APEX1: variants seen among roughly 807,000 people sequenced by gnomAD.
The protein encoded by APEX1 is apurinic/apyrimidinic endodeoxyribonuclease 1.
In APEX1, 32 loss-of-function variants were observed where a neutral mutation model predicts 33.2. The ratio of observed to expected loss-of-function variants is 0.96; its 90% confidence interval spans 0.73 to 1.29. The LOEUF (loss-of-function observed/expected upper bound fraction) is 1.29. Among genes scored for constraint, APEX1 ranks in the 50% most tolerant of loss-of-function variants. The pLI, the probability that APEX1 is intolerant of heterozygous loss-of-function variation, is 0.00. For synonymous variants in APEX1, 175 were observed against 156.6 expected, an observed-to-expected ratio of 1.12 and a Z score of -0.88; for missense variants, 442 against 395.6, an observed-to-expected ratio of 1.12 and a Z score of -0.99.
chr14:20,457,358 TATG>T lies in APEX1; in HGVS notation c.812_814del (p.Met271del), dbSNP rs1881452583. The T allele has an allele frequency of 6.2e-7, 1 of 1,614,240 alleles. No homozygotes were observed. Among genetic ancestry groups the T allele is most frequent in the Non-Finnish European group, 8.5e-7 (1 of 1,180,038 alleles). On this transcript the variant is annotated inframe_deletion, in exon 5 of 5. Coordinates refer to ENST00000216714, the MANE Select transcript of APEX1 (RefSeq NM_001641.4). ...CCTATGCCTACACCTTTTGGACTTA[TATG>T]ATGAATGCTCGATCCAAGAATGTTG...
rs537832152 is a variant in APEX1 at position 20,456,109 on chromosome 14, G to C, written c.246+8G>C. 4 of 1,613,798 alleles carry C rather than the reference G, an allele frequency of 2.5e-6. No homozygotes were observed. Among genetic ancestry groups the C allele is most frequent in the African/African-American group, 1.3e-5 (1 of 75,038 alleles). Reference sequence around the variant, plus strand: ...AAGAAGAAAGGATTAGATGTGAGTGGAATTTGAGGGAAAGAGACATTTTTT... The same window carrying C: ...AAGAAGAAAGGATTAGATGTGAGTGCAATTTGAGGGAAAGAGACATTTTTT... On this transcript the variant is annotated splice_region_variant and intron_variant, in intron 3 of 4. Transcript: ENST00000216714.
In APEX1 at chr14:20,456,757, T is replaced by A. The variant is rs200241501; in HGVS notation, c.336T>A (p.Pro112=). ...NKLPAELQEL[P]GLSHQYWSAP... is the part of the protein sequence containing the mutation. ...TACCAGCTGAACTTCAGGAGCTGCC[T>A]GGACTCTCTCATCAATACTGGTCAG... The change falls in exon 4 of 5, where the codon CCT becomes CCA. Residue 112 remains proline, a synonymous_variant. Coordinates refer to ENST00000216714, the MANE Select transcript of APEX1 (RefSeq NM_001641.4). 1 of 1,614,232 alleles carries A rather than the reference T, an allele frequency of 6.2e-7. No homozygotes were observed. The highest frequency in any genetic ancestry group is 8.5e-7 in the Non-Finnish European group (1 of 1,180,034).
intron 4 of APEX1, 60 bp downstream of exon 4, chr14:20,456,920 C>T (rs1383660616): frequency 8.1e-6 from 13 of 1,603,194 alleles, no homozygotes; most frequent in Admixed American, 3.5e-5. Flanking sequence ...AATTCTCTAT[C>T]TCTGCCCCAC....
chr14:20,457,634 G>C lies in APEX1; in HGVS notation c.*126G>C, dbSNP rs573714948. 124 of 1,366,980 alleles carry C rather than the reference G, an allele frequency of 9.1e-5. No homozygotes were observed. The East Asian group carries it at 2.1e-3, about 23-fold the overall frequency. The allele number at this position is 1,366,980 out of a possible 1,614,324, so 84.7% of individuals were successfully genotyped here. A position where few individuals can be genotyped will look rare whatever the true frequency, so the allele number is the denominator to read the frequency against. ...ATAAAACTAGGAATCCTCCAACCAG[G>C]CTCCTGTGATAGAGTTCTTTTAAGC... On this transcript the variant is annotated 3_prime_UTR_variant, in exon 5 of 5. Transcript: ENST00000216714.
At chr14:20,456,631 T>C in intron 3 of APEX1, 37 bp from the exon 4 acceptor site, 1 of 1,575,710 alleles carries the variant, frequency 6.3e-7, no homozygotes, top group Non-Finnish European at 8.7e-7. Context: ...TTCTGCTGAA[T>C]TGATAATACG....
At position 20,457,092 on chromosome 14, in the gene APEX1, C is replaced by CGACTGGAGTA. The variant is rs1869916632; in HGVS notation, c.542_551dup (p.Tyr184Ter). ...ACCTAATGCAGGCCGAGGTCTGGTA[C>CGACTGGAGTA]GACTGGAGTACCGGCAGCGCTGGGA... On this transcript the variant is annotated stop_gained and frameshift_variant, in exon 5 of 5. Coordinates refer to ENST00000216714, the MANE Select transcript of APEX1 (RefSeq NM_001641.4). LOFTEE classifies it high-confidence loss of function. 6.2e-7 allele frequency: 1 copy of CGACTGGAGTA among 1,614,048 alleles called. No homozygotes were observed. Among genetic ancestry groups the CGACTGGAGTA allele is most frequent in the Non-Finnish European group, 8.5e-7 (1 of 1,180,028 alleles).
At position 20,455,699 on chromosome 14, in the gene APEX1, G is replaced by C. The variant is rs1235505225; in HGVS notation, c.54G>C (p.Arg18Ser). ...GAVAEDGDEL[R>S]TEPEAKKSKT... ...TGGCGGAAGACGGGGATGAGCTCAG[G>C]ACAGGTAAGGGAATGAAATCAGCCC... The change falls in exon 2 of 5, where the codon AGG becomes AGC. Residue 18 changes from arginine to serine, a missense_variant. By Grantham distance (110) the Arg-to-Ser change is moderately radical. Coordinates refer to ENST00000216714, the MANE Select transcript of APEX1 (RefSeq NM_001641.4). 1 of 1,614,186 alleles carries C rather than the reference G, an allele frequency of 6.2e-7. No individual in the cohort carries two copies. Among genetic ancestry groups the C allele is most frequent in the Non-Finnish European group, 8.5e-7 (1 of 1,180,046 alleles).
Position 20,457,264 on chromosome 14 carries a change from A to T in APEX1, c.713A>T (p.Gln238Leu), listed in dbSNP as rs1480047761. 2 of 1,614,250 alleles carry T rather than the reference A, an allele frequency of 1.2e-6. No individual in the cohort carries two copies. Among genetic ancestry groups the T allele is most frequent in the Non-Finnish European group, 1.7e-6 (2 of 1,180,046 alleles). The change falls in exon 5 of 5, where the codon CAA becomes CTA. Residue 238 changes from glutamine to leucine, a missense_variant. Physicochemically the swap from Gln to Leu is moderately radical, Grantham distance 113. Transcript: ENST00000216714. ...GCTGGCTTCACGCCACAAGAGCGCC[A>T]AGGCTTCGGGGAATTACTGCAGGCT... ...KNAGFTPQERQGFGELLQAVP... is the reference protein window; with the variant it reads ...KNAGFTPQERLGFGELLQAVP...
Position 20,457,078 on chromosome 14 carries a change from G to T in APEX1, c.527G>T (p.Gly176Val), listed in dbSNP as rs775280571. Residue 176 changes from glycine (G) to valine (V), a missense_variant, in exon 5 of 5, where the codon GGC becomes GTC. Coordinates refer to ENST00000216714, the MANE Select transcript of APEX1 (RefSeq NM_001641.4). ...GTAACAGCATATGTACCTAATGCAGGCCGAGGTCTGGTACGACTGGAGTAC... is the reference window on the plus strand; with the variant it reads ...GTAACAGCATATGTACCTAATGCAGTCCGAGGTCTGGTACGACTGGAGTAC... ...VLVTAYVPNA[G>V]RGLVRLEYRQ... 1.5e-5 allele frequency: 24 copies of T among 1,614,198 alleles called. No homozygotes were observed. Among genetic ancestry groups the T allele is most frequent in the Non-Finnish European group, 2.0e-5 (24 of 1,180,038 alleles).
Position 20,456,719 on chromosome 14 carries a change from TCAGAGAA to T in APEX1, c.301_307del (p.Glu101AsnfsTer44), listed in dbSNP as rs777728999. ...ACTGTGCCTTCAAGAGACCAAATGT[TCAGAGAA>T]CAAACTACCAGCTGAACTTCAGGAG... is the stretch of plus-strand genomic sequence containing the variant. On this transcript the variant is annotated frameshift_variant, in exon 4 of 5. Transcript: ENST00000216714. LOFTEE classifies it high-confidence loss of function. 12 of 1,614,112 alleles carry T rather than the reference TCAGAGAA, an allele frequency of 7.4e-6. No homozygotes were observed. Among genetic ancestry groups the T allele is most frequent in the Non-Finnish European group, 9.3e-6 (11 of 1,180,046 alleles).
chr14:20,456,128 A>C lies in APEX1; in HGVS notation c.246+27A>C, dbSNP rs537492315. On this transcript the variant is annotated intron_variant, in intron 3 of 4. Coordinates refer to ENST00000216714, the MANE Select transcript of APEX1 (RefSeq NM_001641.4). ...TGAGTGGAATTTGAGGGAAAGAGAC[A>C]TTTTTTAGTATTGAATGGTCTTAGG... The C allele has an allele frequency of 2.5e-6, 4 of 1,608,830 alleles. No homozygotes were observed. In the African/African-American group the frequency reaches 4.0e-5, roughly 16 times the overall value.
In APEX1 at chr14:20,457,263, C is replaced by G; in HGVS notation, c.712C>G (p.Gln238Glu). ...TGCTGGCTTCACGCCACAAGAGCGC[C>G]AAGGCTTCGGGGAATTACTGCAGGC... ...KNAGFTPQER[Q>E]GFGELLQAVP... Residue 238 changes from glutamine (Q) to glutamate (E), a missense_variant, in exon 5 of 5, where the codon CAA becomes GAA. Gln to Glu is a conservative substitution (Grantham distance 29). Coordinates refer to ENST00000216714, the MANE Select transcript of APEX1 (RefSeq NM_001641.4). 5 of 1,614,246 alleles carry G rather than the reference C, an allele frequency of 3.1e-6. No homozygotes were observed. The highest frequency in any genetic ancestry group is 3.4e-6 in the Non-Finnish European group (4 of 1,180,038).
Position 20,456,879 on chromosome 14 carries a change from C to T in APEX1, c.439+19C>T. ...GGCATAGGTGAGACCCTATTGATGC[C>T]TAATGCCTGAACTCTTCAAAACCAA... On this transcript the variant is annotated intron_variant, in intron 4 of 4. Coordinates refer to ENST00000216714, the MANE Select transcript of APEX1 (RefSeq NM_001641.4). 6.2e-7 allele frequency: 1 copy of T among 1,611,788 alleles called. No individual in the cohort carries two copies. Among genetic ancestry groups the T allele is most frequent in the Non-Finnish European group, 8.5e-7 (1 of 1,178,808 alleles).
chr14:20,455,411 A>G lies in APEX1; in HGVS notation c.-69+17A>G, dbSNP rs1881270449. ...GCGAGTAGGGTACAAGGCACTATGA[A>G]ATGATCTAGTTTCGTGGGTGAGGGG... On this transcript the variant is annotated intron_variant, in intron 1 of 4. Coordinates refer to ENST00000216714, the MANE Select transcript of APEX1 (RefSeq NM_001641.4). 1 of 633,302 alleles carries G rather than the reference A, an allele frequency of 1.6e-6. No individual in the cohort carries two copies. Among genetic ancestry groups the G allele is most frequent in the South Asian group, 1.9e-5 (1 of 53,324 alleles). The allele number at this position is 633,302 out of a possible 1,614,324, so 39.2% of individuals were successfully genotyped here.
Position 20,457,252 on chromosome 14 carries a change from C to T in APEX1, c.701C>T (p.Pro234Leu). ...KGNKKNAGFT[P>L]QERQGFGELL... ...AACAAAAAGAATGCTGGCTTCACGCCACAAGAGCGCCAAGGCTTCGGGGAA... is the reference window on the plus strand; with the variant it reads ...AACAAAAAGAATGCTGGCTTCACGCTACAAGAGCGCCAAGGCTTCGGGGAA... Residue 234 changes from proline (P) to leucine (L), a missense_variant, in exon 5 of 5, where the codon CCA (proline) becomes CTA (leucine). Transcript: ENST00000216714. 6.2e-7 allele frequency: 1 copy of T among 1,614,228 alleles called. No homozygotes were observed. The highest frequency in any genetic ancestry group is 8.5e-7 in the Non-Finnish European group (1 of 1,180,050).
At position 20,457,059 on chromosome 14, in the gene APEX1, G is replaced by C. The variant is rs1007729095; in HGVS notation, c.508G>C (p.Ala170Pro). The change falls in exon 5 of 5, where the codon GCA (alanine) becomes CCA (proline). Residue 170 changes from alanine to proline, a missense_variant. Physicochemically the swap from Ala to Pro is conservative, Grantham distance 27. Coordinates refer to ENST00000216714, the MANE Select transcript of APEX1 (RefSeq NM_001641.4). ...ATTTGACTCGTTTGTGCTGGTAACA[G>C]CATATGTACCTAATGCAGGCCGAGG... The part of the protein sequence containing the change: ...AEFDSFVLVT[A>P]YVPNAGRGLV... The C allele has an allele frequency of 6.2e-6, 10 of 1,614,084 alleles. No individual in the cohort carries two copies. The highest frequency in any genetic ancestry group is 8.5e-6 in the Non-Finnish European group (10 of 1,180,040).
chr14:20,457,523 C>CACTTTGAGCCTGGG lies in APEX1; in HGVS notation c.*17_*30dup, dbSNP rs761809761. The CACTTTGAGCCTGGG allele has an allele frequency of 1.1e-5, 18 of 1,612,720 alleles. No individual in the cohort carries two copies. In the East Asian group the frequency reaches 4.0e-4, roughly 36 times the overall value. On this transcript the variant is annotated 3_prime_UTR_variant, in exon 5 of 5. Transcript: ENST00000216714. ...TAGCACTGTGACACCACCCCTAAATCACTTTGAGCCTGGGAAATAAGCCCC... is the reference window on the plus strand; with the variant it reads ...TAGCACTGTGACACCACCCCTAAATCACTTTGAGCCTGGGACTTTGAGCCTGGGAAATAAGCCCC...
Position 20,455,567 on chromosome 14 carries a change from TGC to T in APEX1, c.-68-9_-68-8del. ...GCCTTAGCTGGTTTCATGATTTCTT[TGC>T]GTCTGTAGGCAACGCGGTAAAAATA... On this transcript the variant is annotated splice_polypyrimidine_tract_variant and intron_variant, in intron 1 of 4. Coordinates refer to ENST00000216714, the MANE Select transcript of APEX1 (RefSeq NM_001641.4). The T allele has an allele frequency of 3.7e-6, 6 of 1,610,564 alleles. No individual in the cohort carries two copies. The South Asian group carries it at 6.6e-5, about 18-fold the overall frequency.
intron 3 of APEX1, 30 bp from the exon 4 acceptor site, chr14:20,456,638 T>TA (rs1566513626): frequency 6.3e-7 from 1 of 1,592,560 alleles, no homozygotes; most frequent in Non-Finnish European, 8.6e-7. Context: ...GAATTGATAA[T>TA]ACGTTTTCCA....
Sources: allele counts gnomAD v4.1 joint callset, GRCh38; gene constraint gnomAD v4.1.1; transcripts MANE v1.5; gene names NCBI Gene and HGNC (gene_info 2026-07-23, HGNC 2026-07-21).